SPOCK3: variants seen among roughly 807,000 people sequenced by gnomAD.
SPOCK3 encodes SPARC (osteonectin), cwcv and kazal like domains proteoglycan 3, also known as testican-3.
SPOCK3 carries 30 observed loss-of-function variants against 56.6 expected under a neutral mutation model. That is an observed-to-expected ratio of 0.53 (90% CI 0.40 to 0.72). The LOEUF is 0.72. SPOCK3 is among the 30% of genes least tolerant of loss of function. The probability of loss-of-function intolerance (pLI) is 0.00; values close to 1 mark genes in which losing one functional copy is unlikely to be tolerated. For synonymous variants in SPOCK3, 196 were observed against 183.3 expected (o/e 1.07, Z -0.56); for missense variants, 527 against 530.0 (o/e 0.99, Z 0.06).
intron 2 of SPOCK3, among the ~76,000 whole-genome samples, chr4:167,144,021 A>G (rs74820111): frequency 0.016 from 2,379 of 152,086 alleles, 74 homozygotes; most frequent in African/African-American, 0.053. Flanking sequence ...TGCTCCAGGC[A>G]TGGAAGAAGT....
intron 6 of SPOCK3, among the ~76,000 whole-genome samples, chr4:166,818,099 T>C (rs572625059): frequency 1.3e-5 from 2 of 152,208 alleles, no homozygotes; most frequent in South Asian, 4.1e-4. Context: ...ACAAAATAGC[T>C]AATGCTCTCA....
intron 6 of SPOCK3, among the ~76,000 whole-genome samples, chr4:166,840,123 A>G (rs1221047087): frequency 1.3e-5 from 2 of 152,248 alleles, no homozygotes; most frequent in Non-Finnish European, 1.5e-5. Context: ...TCAGTAGGAA[A>G]AAGTAGTGGT....
chr4:166,835,434 T>A (rs1244619902), intron 6 of SPOCK3, among the ~76,000 whole-genome samples: 3 of 152,284 alleles, frequency 2.0e-5, no homozygotes, highest in Non-Finnish European at 4.4e-5. Flanking sequence ...ACATCTGAAG[T>A]TATTTTTTGT....
intron 2 of SPOCK3, among the ~76,000 whole-genome samples, chr4:167,131,952 G>A (rs1409435762): frequency 1.3e-5 from 2 of 152,100 alleles, no homozygotes; most frequent in Non-Finnish European, 2.9e-5. Context: ...TTGTTTCCCT[G>A]GAAAGTTTTA....
chr4:166,875,304 G>A (rs1732959925), intron 6 of SPOCK3, among the ~76,000 whole-genome samples: 1 of 151,992 alleles, frequency 6.6e-6, no homozygotes, highest in African/African-American at 2.4e-5. Flanking sequence ...TTTCTAGTAG[G>A]TGTGATATTT....
chr4:167,035,380 T>G (rs1752649121), intron 3 of SPOCK3, among the ~76,000 whole-genome samples: 1 of 151,908 alleles, frequency 6.6e-6, no homozygotes, highest in African/African-American at 2.4e-5. Flanking sequence ...GTTTAAATGT[T>G]AGGATAAGCA....
At chr4:167,074,873 A>G (rs1757030091) in intron 2 of SPOCK3, among the ~76,000 whole-genome samples, 1 of 152,070 alleles carries the variant, frequency 6.6e-6, no homozygotes, top group African/African-American at 2.4e-5. Context: ...AAAAATTTTC[A>G]TGGATACATA....
chr4:166,926,985 G>A (rs1469055343), intron 4 of SPOCK3, among the ~76,000 whole-genome samples: 1 of 152,150 alleles, frequency 6.6e-6, no homozygotes, highest in African/African-American at 2.4e-5. Flanking sequence ...AAAAAGGGGT[G>A]TAAGGTGACT....
chr4:166,769,990 G>T (rs1402847280), intron 7 of SPOCK3, among the ~76,000 whole-genome samples: 1 of 152,206 alleles, frequency 6.6e-6, no homozygotes, highest in South Asian at 2.1e-4. Context: ...TCCGAGCCAT[G>T]CACGGGATAT....
chr4:166,935,581 G>A (rs906293872), intron 4 of SPOCK3, among the ~76,000 whole-genome samples: 4 of 152,194 alleles, frequency 2.6e-5, no homozygotes, highest in African/African-American at 9.7e-5. Flanking sequence ...TCTTGACAAA[G>A]TCATGTTAAC....
At chr4:166,942,716 G>T (rs1016888543) in intron 4 of SPOCK3, among the ~76,000 whole-genome samples, 1 of 152,036 alleles carries the variant, frequency 6.6e-6, no homozygotes, top group Admixed American at 6.6e-5. Flanking sequence ...TATAGAATTT[G>T]GCATAACACT....
At chr4:166,956,822 C>A (rs1238603386) in intron 4 of SPOCK3, among the ~76,000 whole-genome samples, 1 of 152,090 alleles carries the variant, frequency 6.6e-6, no homozygotes, top group Non-Finnish European at 1.5e-5. Flanking sequence ...CTCAACTTAC[C>A]CAGTTTAGAA....
chr4:167,024,886 T>A (rs1008594050), intron 3 of SPOCK3, among the ~76,000 whole-genome samples: 2 of 152,200 alleles, frequency 1.3e-5, no homozygotes, highest in East Asian at 3.9e-4. Flanking sequence ...AAAGAGTCCT[T>A]TAAAAAATAT....
chr4:167,025,872 G>T (rs1005752931), intron 3 of SPOCK3, among the ~76,000 whole-genome samples: 5 of 151,968 alleles, frequency 3.3e-5, no homozygotes, highest in African/African-American at 4.8e-5. Flanking sequence ...CAACCTAAAT[G>T]GTACAGTCTA....
intron 4 of SPOCK3, among the ~76,000 whole-genome samples, chr4:166,967,413 G>GTCAAATTCATAATTCACCATAATTATAA (rs1744858145): frequency 6.6e-6 from 1 of 152,152 alleles, no homozygotes; most frequent in Non-Finnish European, 1.5e-5. Context: ...AATTCATAAT[G>GTCAAATTCATAATTCACCATAATTATAA]TTGGGGGAGG....
In SPOCK3 at chr4:167,200,471, C is replaced by T. The variant is rs149814624; in HGVS notation, c.189+33514G>A. Among the ~76,000 whole-genome samples, 6 of 152,004 alleles carry T rather than the reference C, an allele frequency of 3.9e-5. No individual in the cohort carries two copies. The East Asian group carries it at 9.7e-4, about 24-fold the overall frequency. On this transcript the variant is annotated intron_variant, in intron 2 of 10. Transcript: ENST00000357545. ...TACTATACTGAAAAAGCAATGGGCT[C>T]CATCAGCCACTAGATACACCATAAA...
chr4:166,965,745 T>G (rs1017253293), intron 4 of SPOCK3, among the ~76,000 whole-genome samples: 10 of 152,108 alleles, frequency 6.6e-5, no homozygotes, highest in African/African-American at 2.4e-4. Context: ...CAGAGATTTC[T>G]CATATACTTG....
chr4:167,197,108 A>C (rs894881054), intron 2 of SPOCK3, among the ~76,000 whole-genome samples: 4 of 152,142 alleles, frequency 2.6e-5, no homozygotes, highest in African/African-American at 9.7e-5. Context: ...GGGTGCATCT[A>C]CCAGGCTTGG....
chr4:166,827,670 C>T (rs1745620890), intron 6 of SPOCK3, among the ~76,000 whole-genome samples: 1 of 152,012 alleles, frequency 6.6e-6, no homozygotes, highest in African/African-American at 2.4e-5. Flanking sequence ...TAGGACTGTA[C>T]ATTCTGGCCG....
Sources: allele counts gnomAD v4.1 joint callset (sites outside exome capture counted in the v4.1 genomes callset), GRCh38; gene constraint gnomAD v4.1.1; transcripts MANE v1.5; gene names NCBI Gene and HGNC (gene_info 2026-07-23, HGNC 2026-07-21).